The following SCPPPQ1 variants were observed in gnomAD, a reference collection of about 807,000 sequenced individuals.
The protein encoded by SCPPPQ1 is secretory calcium-binding phosphoprotein proline-glutamine rich 1, also known as secretory calcium-binding phosphoprotein proline- and glutamine-rich 1.
the SCPPPQ1 span, among the ~76,000 whole-genome samples, chr4:87,469,947 CTTTTTT>C: frequency 3.2e-3 from 373 of 114,960 alleles, 1 homozygote; most frequent in African/African-American, 0.011. Context: ...ACACACAAAT[CTTTTTT>C]TTTTTTTTTT....
the SCPPPQ1 span, among the ~76,000 whole-genome samples, chr4:87,465,559 C>CAAAAAAAAAAAAA: frequency 2.0e-5 from 2 of 98,308 alleles, no homozygotes; most frequent in Non-Finnish European, 3.9e-5. Context: ...TAGAAATCTA[C>CAAAAAAAAAAAAA]AAAAAAAAAA....
the SCPPPQ1 span, among the ~76,000 whole-genome samples, chr4:87,466,590 G>A: frequency 6.6e-6 from 1 of 152,140 alleles, no homozygotes; most frequent in Non-Finnish European, 1.5e-5. Flanking sequence ...TAAAAGTTGA[G>A]AGAAACACAG....
chr4:87,470,823 C>A, the SCPPPQ1 span, among the ~76,000 whole-genome samples: 5 of 152,112 alleles, frequency 3.3e-5, no homozygotes. Context: ...ATTTAGGCAA[C>A]TTATTTCCCT....
chr4:87,463,986 G>A, the SCPPPQ1 span, among the ~76,000 whole-genome samples: 1 of 152,152 alleles, frequency 6.6e-6, no homozygotes, highest in African/African-American at 2.4e-5. Flanking sequence ...CTGTCTTAGA[G>A]TGTATGCAGT....
At chr4:87,470,124 T>A in the SCPPPQ1 span, among the ~76,000 whole-genome samples, 6 of 151,958 alleles carry the variant, frequency 3.9e-5, no homozygotes, top group Non-Finnish European at 8.8e-5. Flanking sequence ...TGGCTAATTT[T>A]AAAAAAATTT....
At chr4:87,462,223 C>G in the SCPPPQ1 span, 1 of 152,174 alleles carries the variant, frequency 6.6e-6, no homozygotes, top group Non-Finnish European at 1.5e-5. Context: ...TAATCTCTCC[C>G]ACTTGGCCTC....
At chr4:87,470,495 T>G in the SCPPPQ1 span, among the ~76,000 whole-genome samples, 1 of 152,168 alleles carries the variant, frequency 6.6e-6, no homozygotes, top group Admixed American at 6.5e-5. Context: ...TGTAATGGGT[T>G]GGTAGAAAAT....
At chr4:87,467,714 C>G in the SCPPPQ1 span, among the ~76,000 whole-genome samples, 1 of 152,100 alleles carries the variant, frequency 6.6e-6, no homozygotes, top group Admixed American at 6.5e-5. Flanking sequence ...TGCCTAAAGC[C>G]TCATATTTCA....
chr4:87,461,855 T>G, the SCPPPQ1 span: 4 of 152,194 alleles, frequency 2.6e-5, no homozygotes, highest in Admixed American at 6.5e-5. Context: ...TTACACCTAT[T>G]TTCATCATAT....
chr4:87,462,115 G>A, the SCPPPQ1 span: 1 of 152,134 alleles, frequency 6.6e-6, no homozygotes, highest in Non-Finnish European at 1.5e-5. Flanking sequence ...TTGCTGATGT[G>A]TTAATATTGG....
At chr4:87,469,990 G>A in the SCPPPQ1 span, among the ~76,000 whole-genome samples, 1 of 128,748 alleles carries the variant, frequency 7.8e-6, no homozygotes, top group Admixed American at 1.1e-4. Flanking sequence ...GTCTTGCTCT[G>A]TCACTCAGGC....
At chr4:87,463,524 G>A in the SCPPPQ1 span, among the ~76,000 whole-genome samples, 1 of 152,074 alleles carries the variant, frequency 6.6e-6, no homozygotes, top group Non-Finnish European at 1.5e-5. Flanking sequence ...ACATATGCAA[G>A]TTAGTATACT....
the SCPPPQ1 span, among the ~76,000 whole-genome samples, chr4:87,466,214 A>G: frequency 1.3e-5 from 2 of 151,866 alleles, no homozygotes; most frequent in African/African-American, 4.8e-5. Context: ...ACATGGTGAA[A>G]CCCATCTCTA....
At chr4:87,461,429 G>A in the SCPPPQ1 span, among the ~76,000 whole-genome samples, 1 of 152,096 alleles carries the variant, frequency 6.6e-6, no homozygotes, top group Non-Finnish European at 1.5e-5. Context: ...TCATAGTATT[G>A]CAGTTATGAT....
chr4:87,467,097 G>T, the SCPPPQ1 span, among the ~76,000 whole-genome samples: 2 of 152,192 alleles, frequency 1.3e-5, no homozygotes, highest in East Asian at 3.9e-4. Flanking sequence ...ACCTGGTTCA[G>T]ATACTGTCTT....
chr4:87,463,335 A>C, the SCPPPQ1 span, among the ~76,000 whole-genome samples: 1 of 151,186 alleles, frequency 6.6e-6, no homozygotes, highest in Non-Finnish European at 1.5e-5. Flanking sequence ...AAAAACAACA[A>C]AAAAAAATTT....
chr4:87,468,052 G>A, the SCPPPQ1 span, among the ~76,000 whole-genome samples: 1 of 152,206 alleles, frequency 6.6e-6, no homozygotes, highest in Non-Finnish European at 1.5e-5. Context: ...GCAGCATATG[G>A]AAATACATTA....
chr4:87,463,213 T>A, the SCPPPQ1 span, among the ~76,000 whole-genome samples: 2 of 151,926 alleles, frequency 1.3e-5, no homozygotes, highest in South Asian at 2.1e-4. Flanking sequence ...CTCATATTTT[T>A]ATAGTTACAA....
At chr4:87,461,616 G>T in the SCPPPQ1 span, among the ~76,000 whole-genome samples, 1 of 152,172 alleles carries the variant, frequency 6.6e-6, no homozygotes, top group Non-Finnish European at 1.5e-5. Context: ...AACTCAAATA[G>T]AAGGATATGC....
Sources: allele counts gnomAD v4.1 joint callset (sites outside exome capture counted in the v4.1 genomes callset), GRCh38; gene constraint gnomAD v4.1.1; transcripts MANE v1.5; gene names NCBI Gene and HGNC (gene_info 2026-07-23, HGNC 2026-07-21).